CDH18: variants seen among roughly 807,000 people sequenced by gnomAD.
CDH18 encodes the protein cadherin-18.
A neutral mutation model predicts 67.9 loss-of-function variants in CDH18; 31 were observed. The observed-to-expected ratio is 0.46, with a 90% CI of 0.34 to 0.62. The LOEUF (loss-of-function observed/expected upper bound fraction) is 0.62, where lower values mean the gene tolerates loss of function less well. Among genes scored for constraint, CDH18 ranks in the 20% least tolerant of loss-of-function variants. The pLI is 0.01. For synonymous variants in CDH18, 362 were observed against 347.2 expected (o/e 1.04, Z -0.48); for missense variants, 890 against 975.5 (o/e 0.91, Z 1.17).
chr5:19,481,718 C>T (rs552787378), intron 12 of CDH18, among the ~76,000 whole-genome samples: 48 of 152,174 alleles, frequency 3.2e-4, no homozygotes, highest in Non-Finnish European at 6.0e-4. Flanking sequence ...AATATCCACT[C>T]CATCTATACA....
intron 12 of CDH18, among the ~76,000 whole-genome samples, chr5:19,481,724 A>T (rs567823281): frequency 6.6e-6 from 1 of 152,296 alleles, no homozygotes; most frequent in South Asian, 2.1e-4. Context: ...CACTCCATCT[A>T]TACAAGTTAT....
intron 2 of CDH18, among the ~76,000 whole-genome samples, chr5:20,223,774 T>G (rs745562692): frequency 2.0e-3 from 299 of 152,202 alleles, no homozygotes; most frequent in Middle Eastern, 3.4e-3. Context: ...GTAGTTCCCC[T>G]TTGTGTAGGG....
chr5:20,574,831 C>T (rs1047935291), intron 1 of CDH18, among the ~76,000 whole-genome samples: 1 of 152,116 alleles, frequency 6.6e-6, no homozygotes, highest in African/African-American at 2.4e-5. Flanking sequence ...AATAGCTAAA[C>T]ATCTCCAGAG....
At position 20,154,967 on chromosome 5, in the gene CDH18, A is replaced by G. The variant is rs374161180; in HGVS notation, c.-518+100477T>C. On this transcript the variant is annotated intron_variant, in intron 2 of 14. Coordinates refer to the CDH18 transcript ENST00000507958. ...CACTACTTACAATATTTCTCATCCA[A>G]TATCAACCTGATTAGCAACTTCATT... 7.2e-5 allele frequency among the ~76,000 whole-genome samples: 11 copies of G among 152,244 alleles called. No homozygotes were observed. In the East Asian group the frequency reaches 1.9e-3, roughly 27 times the overall value.
chr5:20,096,412 C>T (rs1239434207), intron 2 of CDH18, among the ~76,000 whole-genome samples: 3 of 151,574 alleles, frequency 2.0e-5, no homozygotes, highest in African/African-American at 7.3e-5. Context: ...CTACTTTGAC[C>T]AAGGAAAAAT....
chr5:19,500,725 T>G (rs1441723019), intron 11 of CDH18, among the ~76,000 whole-genome samples: 2 of 152,316 alleles, frequency 1.3e-5, no homozygotes, highest in South Asian at 4.1e-4. Flanking sequence ...TTAAAAAATG[T>G]ACACACAAAC....
intron 1 of CDH18, among the ~76,000 whole-genome samples, chr5:20,367,510 G>C (rs907532958): frequency 2.0e-5 from 3 of 152,088 alleles, no homozygotes; most frequent in Non-Finnish European, 4.4e-5. Flanking sequence ...AGGCAAATAA[G>C]GTATTAATAT....
At chr5:19,758,866 A>G (rs1771976682) in intron 3 of CDH18, among the ~76,000 whole-genome samples, 1 of 152,200 alleles carries the variant, frequency 6.6e-6, no homozygotes, top group Non-Finnish European at 1.5e-5. Context: ...TTTCTTGCTC[A>G]CTGGATCTGA....
At chr5:20,050,339 A>G (rs1741307769) in intron 2 of CDH18, among the ~76,000 whole-genome samples, 1 of 151,888 alleles carries the variant, frequency 6.6e-6, no homozygotes, top group African/African-American at 2.4e-5. Context: ...TAACTCAAAG[A>G]GCATGGATTC....
At chr5:19,490,145 A>G (rs1041391139) in intron 11 of CDH18, among the ~76,000 whole-genome samples, 1 of 151,956 alleles carries the variant, frequency 6.6e-6, no homozygotes, top group Non-Finnish European at 1.5e-5. Context: ...CACTAAAAAA[A>G]AATTGTAAGC....
At chr5:19,930,959 A>C (rs1793624022) in intron 2 of CDH18, among the ~76,000 whole-genome samples, 1 of 152,032 alleles carries the variant, frequency 6.6e-6, no homozygotes. Flanking sequence ...TGGAAGTGTG[A>C]TCAAGACTCT....
chr5:19,516,301 T>A (rs1745988260), intron 10 of CDH18, among the ~76,000 whole-genome samples: 1 of 152,216 alleles, frequency 6.6e-6, no homozygotes, highest in Non-Finnish European at 1.5e-5. Context: ...GATATTGGTC[T>A]AAAATTCTCT....
chr5:19,839,220 G>A lies in CDH18; in HGVS notation c.-234C>T, dbSNP rs1004507899. 2 of 477,158 alleles carry A rather than the reference G, an allele frequency of 4.2e-6. No homozygotes were observed. Among genetic ancestry groups the A allele is most frequent in the Admixed American group, 7.3e-5 (2 of 27,544 alleles). 29.6% of individuals were successfully genotyped at this position (477,158 alleles called of 1,614,324 possible). On this transcript the variant is annotated 5_prime_UTR_variant, in exon 3 of 13. The change creates a premature stop within an existing upstream ORF in the 5' untranslated region. Transcript: ENST00000382275. ...CTGATTCCAACTCTTCACAGTAGTT[G>A]AACACAAGCAACCATTTTCAACCTA...
chr5:20,357,614 C>A (rs1741739364), intron 1 of CDH18, among the ~76,000 whole-genome samples: 1 of 152,116 alleles, frequency 6.6e-6, no homozygotes, highest in African/African-American at 2.4e-5. Context: ...TAGACATCAT[C>A]TCACACAAGT....
chr5:19,847,765 A>T (rs1475157157), intron 2 of CDH18, among the ~76,000 whole-genome samples: 4 of 138,250 alleles, frequency 2.9e-5, no homozygotes, highest in Non-Finnish European at 6.3e-5. Flanking sequence ...TCCGCAGATC[A>T]CTCAAACTTT....
intron 1 of CDH18, among the ~76,000 whole-genome samples, chr5:20,308,266 A>G (rs1374042959): frequency 6.6e-6 from 1 of 151,968 alleles, no homozygotes; most frequent in Admixed American, 6.6e-5. Flanking sequence ...CAAAAGGCCG[A>G]GGGTGGTGGC....
intron 2 of CDH18, among the ~76,000 whole-genome samples, chr5:19,928,140 A>C (rs932992001): frequency 4.6e-5 from 7 of 152,176 alleles, no homozygotes; most frequent in Non-Finnish European, 1.0e-4. Flanking sequence ...AAGATCCCTC[A>C]AATTACCTGC....
At chr5:19,916,856 T>C (rs1791852225) in intron 2 of CDH18, among the ~76,000 whole-genome samples, 1 of 152,104 alleles carries the variant, frequency 6.6e-6, no homozygotes. Flanking sequence ...TTCAACAAAA[T>C]TTGCTGCTAA....
intron 3 of CDH18, among the ~76,000 whole-genome samples, chr5:19,765,282 T>G (rs896446137): frequency 2.0e-5 from 3 of 152,128 alleles, no homozygotes; most frequent in Non-Finnish European, 4.4e-5. Context: ...AAGAGTGAGA[T>G]CCACAGAATA....
Sources: allele counts gnomAD v4.1 joint callset (sites outside exome capture counted in the v4.1 genomes callset), GRCh38; gene constraint gnomAD v4.1.1; transcripts MANE v1.5; gene names NCBI Gene and HGNC (gene_info 2026-07-23, HGNC 2026-07-21).